The following HS3ST5 variants were observed in gnomAD, a reference collection of about 807,000 sequenced individuals.
HS3ST5 encodes the protein heparan sulfate-glucosamine 3-sulfotransferase 5.
HS3ST5 carries 10 observed loss-of-function variants against 25.4 expected under a neutral mutation model. That is an observed-to-expected ratio of 0.39 (90% CI 0.24 to 0.67). The LOEUF is 0.67. HS3ST5 is among the 30% of genes least tolerant of loss of function. The pLI is 0.44. For missense variants in HS3ST5, 324 were observed against 420.7 expected (o/e 0.77, Z 2.01); for synonymous variants, 170 against 162.4 (o/e 1.05, Z -0.36).
At chr6:114,265,494 G>T (rs1305612191) in intron 1 of HS3ST5, among the ~76,000 whole-genome samples, 1 of 152,124 alleles carries the variant, frequency 6.6e-6, no homozygotes, top group Non-Finnish European at 1.5e-5. Flanking sequence ...GGGAGAGCCT[G>T]GGTCAAGTTT....
intron 1 of HS3ST5, among the ~76,000 whole-genome samples, chr6:114,253,876 A>T (rs1425977698): frequency 6.6e-6 from 1 of 152,178 alleles, no homozygotes; most frequent in Non-Finnish European, 1.5e-5. Flanking sequence ...CAGGTAAGGA[A>T]TATGGCAAGG....
intron 1 of HS3ST5, among the ~76,000 whole-genome samples, chr6:114,324,516 C>T (rs1435352516): frequency 6.6e-6 from 1 of 152,120 alleles, no homozygotes; most frequent in Non-Finnish European, 1.5e-5. Flanking sequence ...ACCTTCTCCC[C>T]GAATTATTTA....
chr6:114,208,765 C>A (rs1464765923), intron 2 of HS3ST5, among the ~76,000 whole-genome samples: 3 of 152,178 alleles, frequency 2.0e-5, no homozygotes, highest in Non-Finnish European at 4.4e-5. Flanking sequence ...TAAGCTTTAG[C>A]TCTCTCAATT....
intron 2 of HS3ST5, among the ~76,000 whole-genome samples, chr6:114,201,709 A>T (rs977632467): frequency 5.3e-5 from 8 of 152,190 alleles, no homozygotes; most frequent in African/African-American, 1.9e-4. Context: ...TGGATAATTT[A>T]TAAAGGAAAG....
chr6:114,201,703 T>C (rs1662008934), intron 2 of HS3ST5, among the ~76,000 whole-genome samples: 1 of 152,164 alleles, frequency 6.6e-6, no homozygotes, highest in African/African-American at 2.4e-5. Flanking sequence ...TGAGACTGGA[T>C]AATTTATAAA....
chr6:114,283,937 G>A (rs1774232745), intron 1 of HS3ST5, among the ~76,000 whole-genome samples: 1 of 151,892 alleles, frequency 6.6e-6, no homozygotes, highest in Admixed American at 6.6e-5. Flanking sequence ...ATATATCTGA[G>A]GCAGGAAAAA....
At chr6:114,316,196 C>A (rs1302129937) in intron 1 of HS3ST5, among the ~76,000 whole-genome samples, 2 of 152,176 alleles carry the variant, frequency 1.3e-5, no homozygotes, top group Non-Finnish European at 2.9e-5. Context: ...CATAATGCCA[C>A]CTTTGTTCAA....
chr6:114,084,680 AC>A, intron 3 of HS3ST5: 1 of 1,249,130 alleles, frequency 8.0e-7, no homozygotes, highest in Non-Finnish European at 1.2e-6. Flanking sequence ...GGGGTCAGTA[AC>A]CACAAGAAGC....
chr6:114,096,852 C>A (rs1426977713), intron 3 of HS3ST5, among the ~76,000 whole-genome samples: 1 of 151,970 alleles, frequency 6.6e-6, no homozygotes, highest in Non-Finnish European at 1.5e-5. Context: ...AAAGTATATT[C>A]CTTAGTCATA....
chr6:114,265,708 A>G lies in HS3ST5; in HGVS notation c.-338-36930T>C, dbSNP rs530210411. Among the ~76,000 whole-genome samples the G allele has an allele frequency of 1.4e-3, 209 of 152,282 alleles. 1 individual carries two copies. The highest frequency in any genetic ancestry group is 4.6e-3 in the African/African-American group (190 of 41,554). On this transcript the variant is annotated intron_variant, in intron 1 of 4. Transcript: ENST00000312719. ...ATCTAATGAAGATTTGTTAATTTTC[A>G]TCTTACTAATATACCTAACACATTT...
intron 3 of HS3ST5, among the ~76,000 whole-genome samples, chr6:114,125,951 T>G (rs149679995): frequency 5.2e-4 from 79 of 152,186 alleles, no homozygotes; most frequent in African/African-American, 1.9e-3. Flanking sequence ...AACAAAACCC[T>G]CAGAGACCGC....
At position 114,060,021 on chromosome 6, in the gene HS3ST5, C is replaced by CT. The variant is rs71674884; in HGVS notation, c.108-1832dup. ...GTGAAAATATAGACAACTTTTTTTT[C>CT]TTTTTTTTTTGAGACGGAGTCTTGG... On this transcript the variant is annotated intron_variant, in intron 4 of 4. Transcript: ENST00000312719. 9.6e-4 allele frequency among the ~76,000 whole-genome samples: 144 copies of CT among 149,712 alleles called. No homozygotes were observed. The East Asian group carries it at 0.018, about 19-fold the overall frequency.
chr6:114,084,654 G>A lies in HS3ST5; in HGVS notation c.-32-21777C>T, dbSNP rs1183200473. Reference sequence around the variant, plus strand: ...TTAACATAAGATGCCTTAATGAGAGGCTGATGGTCAGCCCTGGGGTCAGTA... The same window carrying A: ...TTAACATAAGATGCCTTAATGAGAGACTGATGGTCAGCCCTGGGGTCAGTA... On this transcript the variant is annotated intron_variant, in intron 3 of 4. Transcript: ENST00000312719. The A allele has an allele frequency of 4.8e-5, 50 of 1,032,406 alleles. No individual in the cohort carries two copies. The East Asian group carries it at 7.6e-4, about 16-fold the overall frequency. The allele number at this position is 1,032,406 out of a possible 1,614,324, so 64.0% of individuals were successfully genotyped here.
At chr6:114,141,370 A>G (rs1255389288) in intron 3 of HS3ST5, among the ~76,000 whole-genome samples, 2 of 152,258 alleles carry the variant, frequency 1.3e-5, no homozygotes, top group Non-Finnish European at 1.5e-5. Flanking sequence ...GCAATGAAGA[A>G]GTCATTTTTC....
At chr6:114,295,386 A>ACT (rs1774771968) in intron 1 of HS3ST5, among the ~76,000 whole-genome samples, 1 of 152,206 alleles carries the variant, frequency 6.6e-6, no homozygotes, top group South Asian at 2.1e-4. Context: ...CAAAAGAGAT[A>ACT]AAGCACTTGA....
At chr6:114,293,473 A>G (rs542413946) in intron 1 of HS3ST5, among the ~76,000 whole-genome samples, 33 of 152,256 alleles carry the variant, frequency 2.2e-4, no homozygotes, top group African/African-American at 7.2e-4. Context: ...TGTTTCAGAA[A>G]GCTTAGCCTA....
chr6:114,161,211 G>T (rs1032335139), intron 3 of HS3ST5, among the ~76,000 whole-genome samples: 6 of 151,898 alleles, frequency 4.0e-5, no homozygotes, highest in Non-Finnish European at 8.8e-5. Flanking sequence ...TGGAGACCTA[G>T]ATTGGTCCTC....
At chr6:114,202,951 A>T (rs577895206) in intron 2 of HS3ST5, among the ~76,000 whole-genome samples, 4 of 152,326 alleles carry the variant, frequency 2.6e-5, no homozygotes, top group African/African-American at 9.6e-5. Flanking sequence ...TCAGGCGATA[A>T]CTTCAAAAAT....
intron 4 of HS3ST5, among the ~76,000 whole-genome samples, chr6:114,060,824 T>C (rs956479878): frequency 5.3e-5 from 8 of 152,200 alleles, no homozygotes; most frequent in Non-Finnish European, 1.0e-4. Context: ...CTTTTTGGAC[T>C]CCCTAACTCA....
Sources: allele counts gnomAD v4.1 joint callset (sites outside exome capture counted in the v4.1 genomes callset), GRCh38; gene constraint gnomAD v4.1.1; transcripts MANE v1.5; gene names NCBI Gene and HGNC (gene_info 2026-07-23, HGNC 2026-07-21).